Variants in PDE4B observed in about 807,000 individuals in gnomAD.
PDE4B encodes the protein phosphodiesterase 4B, also known as 3',5'-cyclic-AMP phosphodiesterase 4B.
In PDE4B, 20 loss-of-function variants were observed where a neutral mutation model predicts 82.2. That is an observed-to-expected ratio of 0.24 (90% confidence interval 0.17 to 0.35). The LOEUF is 0.35. Among genes scored for constraint, PDE4B ranks in the 10% least tolerant of loss-of-function variants. PDE4B has a pLI of 1.00. For synonymous variants in PDE4B, 320 were observed against 318.9 expected (o/e 1.00, Z -0.04); for missense variants, 655 against 907.2 (o/e 0.72, Z 3.57).
intron 7 of PDE4B, among the ~76,000 whole-genome samples, chr1:66,304,007 A>G (rs1412295007): frequency 6.6e-6 from 1 of 152,160 alleles, no homozygotes; most frequent in East Asian, 1.9e-4. Context: ...CAGATAGAAT[A>G]TCGTAAATAT....
intron 3 of PDE4B, among the ~76,000 whole-genome samples, chr1:66,006,852 A>G (rs1652179297): frequency 6.6e-6 from 1 of 152,098 alleles, no homozygotes; most frequent in Admixed American, 6.6e-5. Flanking sequence ...CTCCTCAGCT[A>G]TGCGAAATTG....
chr1:66,265,351 A>C (rs543104088), intron 6 of PDE4B, among the ~76,000 whole-genome samples: 2 of 152,314 alleles, frequency 1.3e-5, no homozygotes, highest in East Asian at 1.9e-4. Context: ...AGAGCAGTGA[A>C]ATTGAAAGGT....
intron 3 of PDE4B, among the ~76,000 whole-genome samples, chr1:66,141,943 C>T (rs1038148782): frequency 6.6e-6 from 1 of 152,074 alleles, no homozygotes; most frequent in Non-Finnish European, 1.5e-5. Flanking sequence ...CTTTTATTCC[C>T]CCCACCAAAC....
At chr1:66,317,615 G>A (rs188589555) in intron 7 of PDE4B, among the ~76,000 whole-genome samples, 1 of 151,860 alleles carries the variant, frequency 6.6e-6, no homozygotes, top group African/African-American at 2.4e-5. Flanking sequence ...TTTTAAGTCA[G>A]GCCTAGTGCA....
At chr1:66,236,535 G>A (rs1255055887) in intron 3 of PDE4B, among the ~76,000 whole-genome samples, 1 of 152,108 alleles carries the variant, frequency 6.6e-6, no homozygotes, top group African/African-American at 2.4e-5. Flanking sequence ...TGGGTTTGCT[G>A]GAGATGATGA....
intron 3 of PDE4B, among the ~76,000 whole-genome samples, chr1:66,088,409 A>T (rs1644942105): frequency 6.6e-6 from 1 of 152,096 alleles, no homozygotes; most frequent in Non-Finnish European, 1.5e-5. Flanking sequence ...TAGACAGGAG[A>T]CATGGATTTG....
In PDE4B at chr1:66,210,615, A is replaced by G. The variant is rs1229398747; in HGVS notation, c.282-36845A>G. Among the ~76,000 whole-genome samples, 12 of 148,556 alleles carry G rather than the reference A, an allele frequency of 8.1e-5. No homozygotes were observed. The South Asian group carries it at 2.5e-3, about 31-fold the overall frequency. On this transcript the variant is annotated intron_variant, in intron 3 of 16. Coordinates refer to ENST00000341517, the MANE Select transcript of PDE4B (RefSeq NM_002600.4). ...CATCTCAAAAAAAAAAAAAAAAAAAAAAAAGAAAAAGGAAAAAAAGAAAAG... is the reference window on the plus strand; with the variant it reads ...CATCTCAAAAAAAAAAAAAAAAAAAGAAAAGAAAAAGGAAAAAAAGAAAAG...
chr1:65,832,722 G>A (rs1270150453), intron 1 of PDE4B, among the ~76,000 whole-genome samples: 1 of 152,190 alleles, frequency 6.6e-6, no homozygotes, highest in African/African-American at 2.4e-5. Context: ...CTTTGGAAAT[G>A]GTGGAAAGGT....
rs1326710329 is a variant in PDE4B, at chr1:66,210,614, A to G, written c.282-36846A>G. ...CCATCTCAAAAAAAAAAAAAAAAAA[A>G]AAAAAGAAAAAGGAAAAAAAGAAAA... On this transcript the variant is annotated intron_variant, in intron 3 of 16. Transcript: ENST00000341517. Among the ~76,000 whole-genome samples, 6 of 149,038 alleles carry G rather than the reference A, an allele frequency of 4.0e-5. 1 individual carries two copies. The highest frequency in any genetic ancestry group is 2.1e-4 in the East Asian group (1 of 4,842).
At chr1:66,325,557 T>C (rs1659692156) in intron 7 of PDE4B, among the ~76,000 whole-genome samples, 1 of 152,170 alleles carries the variant, frequency 6.6e-6, no homozygotes, top group South Asian at 2.1e-4. Context: ...GTTAGAATTT[T>C]GTGAAAAAAC....
chr1:66,303,809 T>C (rs1016141579), intron 7 of PDE4B, among the ~76,000 whole-genome samples: 2 of 152,134 alleles, frequency 1.3e-5, no homozygotes, highest in African/African-American at 4.8e-5. Context: ...ACCATGACAC[T>C]TGGCCTGCTT....
At chr1:66,042,711 T>G (rs531731927) in intron 3 of PDE4B, 1 of 151,922 alleles carries the variant, frequency 6.6e-6, no homozygotes, top group East Asian at 1.9e-4. Context: ...GACGTTTCCC[T>G]GGCATTCAAA....
At chr1:65,873,195 G>A (rs188261404) in intron 1 of PDE4B, among the ~76,000 whole-genome samples, 1 of 152,290 alleles carries the variant, frequency 6.6e-6, no homozygotes, top group East Asian at 1.9e-4. Flanking sequence ...TTTTACTCTG[G>A]CAAGAAAGAT....
At chr1:66,266,839 C>G (rs1412225361) in intron 7 of PDE4B, 1 of 380,032 alleles carries the variant, frequency 2.6e-6, no homozygotes, top group African/African-American at 2.1e-5. Flanking sequence ...AAATCTGTTC[C>G]CTACTAATGT....
At chr1:66,181,013 A>G (rs1171593215) in intron 3 of PDE4B, among the ~76,000 whole-genome samples, 2 of 152,208 alleles carry the variant, frequency 1.3e-5, no homozygotes, top group Non-Finnish European at 2.9e-5. Flanking sequence ...ATTCAAGGAC[A>G]TGTCTCTACT....
intron 3 of PDE4B, among the ~76,000 whole-genome samples, chr1:65,982,209 T>G (rs553046458): frequency 6.6e-6 from 1 of 152,190 alleles, no homozygotes; most frequent in Admixed American, 6.5e-5. Context: ...TGATCCTTAT[T>G]ATAAAATAGA....
intron 1 of PDE4B, among the ~76,000 whole-genome samples, chr1:65,868,359 A>T (rs1164063604): frequency 6.6e-6 from 1 of 152,206 alleles, no homozygotes; most frequent in Non-Finnish European, 1.5e-5. Context: ...AAGTACAAGA[A>T]AGCGCAATTA....
chr1:66,140,976 T>C (rs1197979680), intron 3 of PDE4B, among the ~76,000 whole-genome samples: 1 of 152,224 alleles, frequency 6.6e-6, no homozygotes, highest in African/African-American at 2.4e-5. Context: ...TTTAGGTCTC[T>C]GTCTGAATAC....
chr1:66,177,105 AACAGTGTG>A (rs1370693768), intron 3 of PDE4B, among the ~76,000 whole-genome samples: 1 of 152,248 alleles, frequency 6.6e-6, no homozygotes, highest in African/African-American at 2.4e-5. Flanking sequence ...ACTTCAGTCT[AACAGTGTG>A]ACAAGGGAGG....
Sources: allele counts gnomAD v4.1 joint callset (sites outside exome capture counted in the v4.1 genomes callset), GRCh38; gene constraint gnomAD v4.1.1; transcripts MANE v1.5; gene names NCBI Gene and HGNC (gene_info 2026-07-23, HGNC 2026-07-21).